SLC24A2: variants seen among roughly 807,000 people sequenced by gnomAD.
The protein encoded by SLC24A2 is solute carrier family 24 member 2, also known as sodium/potassium/calcium exchanger 2.
A neutral mutation model predicts 62.0 loss-of-function variants in SLC24A2; 36 were observed. That is an observed-to-expected ratio of 0.58 (90% CI 0.44 to 0.77). The LOEUF (loss-of-function observed/expected upper bound fraction) is 0.77, where lower values mean the gene tolerates loss of function less well. Ranked by LOEUF, SLC24A2 falls within the 30% of genes least tolerant of loss-of-function variation. SLC24A2 has a pLI of 0.00. For synonymous variants in SLC24A2, 358 were observed against 294.0 expected, an observed-to-expected ratio of 1.22 and a Z score of -2.23; for missense variants, 846 against 817.9, an observed-to-expected ratio of 1.03 and a Z score of -0.42.
the SLC24A2 span, among the ~76,000 whole-genome samples, chr9:20,214,869 G>A: frequency 3.9e-4 from 60 of 151,988 alleles, no homozygotes; most frequent in Admixed American, 2.9e-3. Flanking sequence ...GAGAACACTG[G>A]GAGTAACCAT....
the SLC24A2 span, among the ~76,000 whole-genome samples, chr9:20,158,836 A>G: frequency 6.6e-6 from 1 of 151,634 alleles, no homozygotes; most frequent in Non-Finnish European, 1.5e-5. Flanking sequence ...AAAACTTTCC[A>G]AAAATAAAAG....
At chr9:19,752,901 C>G (rs1007993977) in intron 2 of SLC24A2, among the ~76,000 whole-genome samples, 4 of 152,122 alleles carry the variant, frequency 2.6e-5, no homozygotes, top group African/African-American at 7.2e-5. Flanking sequence ...TCTAGCACCA[C>G]CTGCAATACT....
At chr9:19,672,982 T>C (rs1418462025) in intron 2 of SLC24A2, among the ~76,000 whole-genome samples, 3 of 146,526 alleles carry the variant, frequency 2.0e-5, no homozygotes, top group Non-Finnish European at 4.4e-5. Context: ...GAATGTTCCA[T>C]GTGCTGGTCA....
rs1832759906 is a variant in SLC24A2, at chr9:19,512,653, T to C, written c.*3500A>G. 1 of 152,148 alleles carries C rather than the reference T, an allele frequency of 6.6e-6. No individual in the cohort carries two copies. The highest frequency in any genetic ancestry group is 2.4e-5 in the African/African-American group (1 of 41,436). The allele number at this position is 152,148 out of a possible 1,614,324, so 9.4% of individuals were successfully genotyped here. The stretch of plus-strand genomic sequence containing the variant: ...AAGCTGCTCTGCTGCCTTGGAAGTA[T>C]GGGGGAGGGTAGGCGGTGACAGCAA... On this transcript the variant is annotated 3_prime_UTR_variant, in exon 11 of 11. Transcript: ENST00000341998.
chr9:20,076,062 T>C, the SLC24A2 span, among the ~76,000 whole-genome samples: 1 of 152,198 alleles, frequency 6.6e-6, no homozygotes, highest in Non-Finnish European at 1.5e-5. Context: ...AAGAAAAAAG[T>C]CTGAATGCTT....
At chr9:19,943,307 C>G in the SLC24A2 span, among the ~76,000 whole-genome samples, 1 of 152,050 alleles carries the variant, frequency 6.6e-6, no homozygotes, top group Non-Finnish European at 1.5e-5. Context: ...ACAATTAAAC[C>G]TGGGCTTTCA....
chr9:20,039,371 C>A, the SLC24A2 span, among the ~76,000 whole-genome samples: 1 of 151,996 alleles, frequency 6.6e-6, no homozygotes, highest in Non-Finnish European at 1.5e-5. Flanking sequence ...GATGCGGCAG[C>A]TGGCAGCAAG....
chr9:19,523,307 C>A (rs375230467), intron 9 of SLC24A2, among the ~76,000 whole-genome samples: 1 of 152,152 alleles, frequency 6.6e-6, no homozygotes, highest in Non-Finnish European at 1.5e-5. Context: ...ACTCCTAGTG[C>A]AAGTTAGACA....
At chr9:19,908,044 A>T in the SLC24A2 span, among the ~76,000 whole-genome samples, 1 of 152,246 alleles carries the variant, frequency 6.6e-6, no homozygotes, top group Non-Finnish European at 1.5e-5. Flanking sequence ...CTAAGCCAAA[A>T]GAACAAAGCT....
intron 8 of SLC24A2, among the ~76,000 whole-genome samples, chr9:19,548,996 G>A (rs1326190681): frequency 6.6e-6 from 1 of 152,164 alleles, no homozygotes; most frequent in East Asian, 1.9e-4. Flanking sequence ...CCTCTCCTTA[G>A]TTCTTTCACC....
At chr9:20,224,779 C>T in the SLC24A2 span, among the ~76,000 whole-genome samples, 3 of 151,936 alleles carry the variant, frequency 2.0e-5, no homozygotes, top group Non-Finnish European at 4.4e-5. Context: ...CTGTTGGGGC[C>T]CTGCCCAGAT....
rs1208544768 is a variant in SLC24A2 at position 19,507,947 on chromosome 9, T to C, written c.*8206A>G. On this transcript the variant is annotated 3_prime_UTR_variant, in exon 11 of 11. Coordinates refer to ENST00000341998, the MANE Select transcript of SLC24A2 (RefSeq NM_020344.4). ...TAACCTGTCTAAAAGACAGTTTATATGTTATAGAGCAAATGTCTATGTTGG... is the reference window on the plus strand; with the variant it reads ...TAACCTGTCTAAAAGACAGTTTATACGTTATAGAGCAAATGTCTATGTTGG... 1.3e-5 allele frequency: 2 copies of C among 152,246 alleles called. No individual in the cohort carries two copies. Among genetic ancestry groups the C allele is most frequent in the South Asian group, 2.1e-4 (1 of 4,838 alleles). The allele number at this position is 152,246 out of a possible 1,614,324, so 9.4% of individuals were successfully genotyped here.
intron 2 of SLC24A2, among the ~76,000 whole-genome samples, chr9:19,744,021 C>T (rs894360963): frequency 6.6e-5 from 10 of 152,122 alleles, no homozygotes; most frequent in African/African-American, 2.2e-4. Flanking sequence ...ACCGCAACCA[C>T]TCACGCTGCA....
chr9:19,726,317 T>C (rs1172882758), intron 2 of SLC24A2, among the ~76,000 whole-genome samples: 1 of 152,192 alleles, frequency 6.6e-6, no homozygotes, highest in Non-Finnish European at 1.5e-5. Context: ...AACCAAAAGG[T>C]AAAAGTAAAA....
At chr9:20,145,778 C>A in the SLC24A2 span, among the ~76,000 whole-genome samples, 1 of 151,710 alleles carries the variant, frequency 6.6e-6, no homozygotes, top group Non-Finnish European at 1.5e-5. Context: ...TATACAAGCA[C>A]ATATATGTAT....
chr9:20,055,225 C>T, the SLC24A2 span, among the ~76,000 whole-genome samples: 9 of 152,172 alleles, frequency 5.9e-5, no homozygotes, highest in South Asian at 4.2e-4. Flanking sequence ...AGATCTAGTG[C>T]TCTCATGGGA....
At chr9:19,887,087 C>T in the SLC24A2 span, among the ~76,000 whole-genome samples, 3 of 152,156 alleles carry the variant, frequency 2.0e-5, no homozygotes, top group Non-Finnish European at 2.9e-5. Context: ...GGAAAAATAG[C>T]TGATGCGTGC....
the SLC24A2 span, among the ~76,000 whole-genome samples, chr9:20,164,612 G>C: frequency 1.3e-5 from 2 of 151,318 alleles, no homozygotes; most frequent in African/African-American, 4.9e-5. Context: ...AATACCATTT[G>C]ACCCAGCCAT....
chr9:20,268,323 C>G, the SLC24A2 span, among the ~76,000 whole-genome samples: 1 of 152,090 alleles, frequency 6.6e-6, no homozygotes, highest in Non-Finnish European at 1.5e-5. Flanking sequence ...ATGTCTCCTC[C>G]GAAAGTCATG....
Sources: allele counts gnomAD v4.1 joint callset (sites outside exome capture counted in the v4.1 genomes callset), GRCh38; gene constraint gnomAD v4.1.1; transcripts MANE v1.5; gene names NCBI Gene and HGNC (gene_info 2026-07-23, HGNC 2026-07-21).